STAU1: variants seen among roughly 807,000 people sequenced by gnomAD.
The protein encoded by STAU1 is double-stranded RNA-binding protein Staufen homolog 1.
Under a neutral mutation model 62.9 loss-of-function variants are expected in STAU1, and 13 were observed. That is an observed-to-expected ratio of 0.21 (90% CI 0.13 to 0.33). STAU1 has a LOEUF of 0.33. STAU1 is among the 10% of genes least tolerant of loss of function. The probability of loss-of-function intolerance (pLI) is 1.00; values close to 1 mark genes in which losing one functional copy is unlikely to be tolerated. For synonymous variants in STAU1, 269 were observed against 265.1 expected, an observed-to-expected ratio of 1.01 and a Z score of -0.14; for missense variants, 571 against 712.1, an observed-to-expected ratio of 0.80 and a Z score of 2.25.
chr20:49,218,484 C>T, the STAU1 span, among the ~76,000 whole-genome samples: 1 of 152,266 alleles, frequency 6.6e-6, no homozygotes, highest in Non-Finnish European at 1.5e-5. Flanking sequence ...CTCGGCCTCC[C>T]GAAGTGTTGG....
At chr20:49,170,687 G>T (rs80149094) in intron 2 of STAU1, among the ~76,000 whole-genome samples, 1 of 151,628 alleles carries the variant, frequency 6.6e-6, no homozygotes, top group African/African-American at 2.4e-5. Context: ...TTTTTAAACC[G>T]GATTAACACA....
chr20:49,163,828 G>A (rs564224482), intron 3 of STAU1, among the ~76,000 whole-genome samples: 6 of 152,164 alleles, frequency 3.9e-5, no homozygotes, highest in South Asian at 2.1e-4. Flanking sequence ...AAGACAGCAC[G>A]ATCACAGTTC....
chr20:49,210,055 A>T, the STAU1 span, among the ~76,000 whole-genome samples: 20 of 152,022 alleles, frequency 1.3e-4, no homozygotes, highest in Middle Eastern at 3.4e-3. Context: ...TCTCAAAAAA[A>T]AATAATAATA....
the STAU1 span, among the ~76,000 whole-genome samples, chr20:49,217,676 A>AGTATAT: frequency 7.4e-6 from 1 of 135,910 alleles, no homozygotes; most frequent in Non-Finnish European, 1.6e-5. Context: ...TTCCTTTTAA[A>AGTATAT]ATATATATAT....
the STAU1 span, among the ~76,000 whole-genome samples, chr20:49,207,912 G>A: frequency 1.3e-5 from 2 of 151,842 alleles, no homozygotes; most frequent in Admixed American, 6.6e-5. Context: ...ATGGAGTCTC[G>A]CTCTGTCACC....
chr20:49,164,831 ATCC>A (rs1227236264), intron 3 of STAU1, among the ~76,000 whole-genome samples: 1 of 152,156 alleles, frequency 6.6e-6, no homozygotes, highest in East Asian at 1.9e-4. Flanking sequence ...TTTCTAATTG[ATCC>A]TCATTATGAT....
chr20:49,138,332 A>T (rs1201912527), intron 5 of STAU1, among the ~76,000 whole-genome samples: 9 of 152,062 alleles, frequency 5.9e-5, no homozygotes, highest in East Asian at 1.9e-4. Context: ...AGGTTAAAAA[A>T]ATATATATAT....
chr20:49,168,569 G>A (rs2093556609), intron 2 of STAU1, among the ~76,000 whole-genome samples: 1 of 151,878 alleles, frequency 6.6e-6, no homozygotes, highest in African/African-American at 2.4e-5. Context: ...ATAAGACTAG[G>A]TAAATTTAAA....
At chr20:49,212,944 A>T in the STAU1 span, among the ~76,000 whole-genome samples, 1 of 152,118 alleles carries the variant, frequency 6.6e-6, no homozygotes, top group Admixed American at 6.6e-5. Flanking sequence ...GTGTTACCCA[A>T]TGTGGGAGCA....
In STAU1 at chr20:49,153,251, G is replaced by GGAAAAA. The variant is rs1379385445; in HGVS notation, c.344+681_344+682insTTTTTC. Among the ~76,000 whole-genome samples, 684 of 99,046 alleles carry GGAAAAA rather than the reference G, an allele frequency of 6.9e-3. 10 individuals carry two copies. The highest frequency in any genetic ancestry group is 0.025 in the African/African-American group (630 of 25,398). 65.0% of individuals were successfully genotyped at this position (99,046 alleles called of 152,430 possible). ...GGCAACAGAGCGAGACTCCGTCTCA[G>GGAAAAA]AAAAAAAAAAAAAAAAAGAAGCACA... On this transcript the variant is annotated intron_variant, in intron 4 of 13. Coordinates refer to ENST00000371856, the MANE Select transcript of STAU1 (RefSeq NM_017453.4).
rs2092876125 is a variant in STAU1, at chr20:49,136,074, A to C, written c.511-143T>G. On this transcript the variant is annotated intron_variant, in intron 5 of 13. Transcript: ENST00000371856. ...CAGGAGTCTGAGACCAGCCTGAGCA[A>C]CATGGCAGTTTGAGACCAGCCTGAG... The C allele has an allele frequency of 8.1e-6, 5 of 617,606 alleles. No homozygotes were observed. In the East Asian group the frequency reaches 1.4e-4, roughly 18 times the overall value. The allele number at this position is 617,606 out of a possible 1,614,324, so 38.3% of individuals were successfully genotyped here.
chr20:49,114,882 C>T lies in STAU1; in HGVS notation c.1730G>A (p.Cys577Tyr), dbSNP rs753057804. The T allele has an allele frequency of 1.9e-6, 3 of 1,613,418 alleles. 1 individual carries two copies. Among genetic ancestry groups the T allele is most frequent in the South Asian group, 2.2e-5 (2 of 90,988 alleles). The change falls in exon 14 of 14, where the codon TGC (cysteine) becomes TAC (tyrosine). Residue 577 changes from cysteine to tyrosine, a missense_variant. Around this residue, in one of 3 missense-constraint regions of STAU1, gnomAD observed 156 missense variants for 194.7 expected, o/e 0.80. Transcript: ENST00000371856. ...GNGPMSVCGR[C>Y] ...TGGTTCATGGCCAGAAAAGGTTCAG[C>T]ACCTCCCACACCTTTAAGGAAGAAA...
At chr20:49,194,951 AAAT>A in the STAU1 span, among the ~76,000 whole-genome samples, 3 of 152,092 alleles carry the variant, frequency 2.0e-5, no homozygotes, top group African/African-American at 7.2e-5. Context: ...GTAAAAAAAA[AAAT>A]AATAATAACG....
chr20:49,123,343 T>C (rs2092512857), intron 7 of STAU1, 108 bp from the exon 8 acceptor site: 1 of 1,366,068 alleles, frequency 7.3e-7, no homozygotes, highest in Middle Eastern at 1.8e-4. Flanking sequence ...GTTGACCTAA[T>C]GGCTCAGAAT....
At chr20:49,169,111 C>T (rs60370179) in intron 2 of STAU1, among the ~76,000 whole-genome samples, 1,810 of 151,948 alleles carry the variant, frequency 0.012, 42 homozygotes, top group African/African-American at 0.04. Context: ...CCACCACACC[C>T]GGCTAATTTT....
intron 2 of STAU1, among the ~76,000 whole-genome samples, chr20:49,172,997 AAC>A (rs1414797840): frequency 1.2e-4 from 17 of 137,380 alleles, no homozygotes; most frequent in Non-Finnish European, 2.4e-4. Flanking sequence ...CCCGCCCCCC[AAC>A]ACCTGGCTAA....
At chr20:49,201,769 G>C in the STAU1 span, among the ~76,000 whole-genome samples, 3 of 151,050 alleles carry the variant, frequency 2.0e-5, no homozygotes, top group Middle Eastern at 6.8e-3. Context: ...AAATGGGGAG[G>C]GGGGAATATT....
chr20:49,199,195 G>C, the STAU1 span, among the ~76,000 whole-genome samples: 1 of 151,798 alleles, frequency 6.6e-6, no homozygotes, highest in Admixed American at 6.6e-5. Flanking sequence ...AGAGCAACTG[G>C]AACTTTTTGG....
At chr20:49,170,740 A>G (rs541935300) in intron 2 of STAU1, among the ~76,000 whole-genome samples, 2 of 151,836 alleles carry the variant, frequency 1.3e-5, no homozygotes, top group Non-Finnish European at 2.9e-5. Context: ...TCAACATATC[A>G]GTCTCCTTCA....
Sources: gnomAD v4.1 joint callset for allele counts (sites outside exome capture counted in the v4.1 genomes callset) on GRCh38, gnomAD v4.1.1 for gene constraint, gnomAD v4.1.1 regional missense constraint, MANE v1.5 for transcripts, NCBI Gene and HGNC (gene_info 2026-07-23, HGNC 2026-07-21) for gene names.